Variants in ELAVL4 observed in about 807,000 individuals in gnomAD.
The protein encoded by ELAVL4 is ELAV like RNA binding protein 4, also known as ELAV-like protein 4.
ELAVL4 carries 1 observed loss-of-function variant against 35.6 expected under a neutral mutation model. The observed-to-expected ratio is 0.03, with a 90% confidence interval of 0.01 to 0.13. ELAVL4 has a LOEUF of 0.13. Among genes scored for constraint, ELAVL4 ranks in the 10% least tolerant of loss-of-function variants. The pLI is 1.00. For synonymous variants in ELAVL4, 156 were observed against 171.0 expected (o/e 0.91, Z 0.69); for missense variants, 267 against 464.9 (o/e 0.57, Z 3.91).
chr1:50,139,624 T>C (rs1043120476), intron 1 of ELAVL4, among the ~76,000 whole-genome samples: 8 of 152,194 alleles, frequency 5.3e-5, no homozygotes, highest in African/African-American at 1.9e-4. Context: ...GCGTATGACC[T>C]GACATATCCA....
chr1:50,148,688 A>G (rs919813541), intron 2 of ELAVL4, among the ~76,000 whole-genome samples: 2 of 152,160 alleles, frequency 1.3e-5, no homozygotes, highest in African/African-American at 4.8e-5. Context: ...TTCTTCATCT[A>G]CCTGCAGCCT....
intron 2 of ELAVL4, among the ~76,000 whole-genome samples, chr1:50,158,464 T>A (rs527500075): frequency 5.8e-4 from 89 of 152,288 alleles, no homozygotes; most frequent in Middle Eastern, 3.4e-3. Flanking sequence ...AGTTTGCTCC[T>A]GCTTGACTAT....
intron 2 of ELAVL4, among the ~76,000 whole-genome samples, chr1:50,153,508 G>A (rs1675164003): frequency 6.6e-6 from 1 of 152,186 alleles, no homozygotes; most frequent in South Asian, 2.1e-4. Context: ...TGTCTGTGCT[G>A]AATGAAGACA....
At chr1:50,106,736 G>A (rs1557706101), upstream of ELAVL4, among the ~76,000 whole-genome samples, 1 of 152,124 alleles carries the variant, frequency 6.6e-6, no homozygotes, top group Non-Finnish European at 1.5e-5. Context: ...GCATTTGTTT[G>A]AGGATTCTGT....
chr1:50,200,766 C>T (rs1265931767), intron 6 of ELAVL4, 85 bp from the exon 7 acceptor site: 2 of 1,557,210 alleles, frequency 1.3e-6, no homozygotes, highest in Non-Finnish European at 8.7e-7. Flanking sequence ...CAGCCCTCTG[C>T]CCCATGTCTG....
At chr1:50,198,192 G>C (rs897767188) in intron 6 of ELAVL4, among the ~76,000 whole-genome samples, 1 of 152,156 alleles carries the variant, frequency 6.6e-6, no homozygotes, top group Non-Finnish European at 1.5e-5. Flanking sequence ...CAGAGTCAAG[G>C]CTTTTGGGGC....
intron 1 of ELAVL4, among the ~76,000 whole-genome samples, chr1:50,113,945 A>C (rs989675189): frequency 6.6e-6 from 1 of 152,126 alleles, no homozygotes; most frequent in Admixed American, 6.6e-5. Context: ...ATGTGCATCT[A>C]TAAATGGAGA....
At chr1:50,200,778 G>A (rs765137564) in intron 6 of ELAVL4, 73 bp from the exon 7 acceptor site, 1 of 1,567,384 alleles carries the variant, frequency 6.4e-7, no homozygotes, top group Non-Finnish European at 8.7e-7. Flanking sequence ...CCATGTCTGT[G>A]TCTGTGCATC....
At chr1:50,186,686 TGGAGCATAG>T (rs1217796060) in intron 3 of ELAVL4, among the ~76,000 whole-genome samples, 2 of 152,186 alleles carry the variant, frequency 1.3e-5, no homozygotes, top group African/African-American at 2.4e-5. Flanking sequence ...TTGTCTGAAC[TGGAGCATAG>T]GGTGCATGAA....
intron 2 of ELAVL4, among the ~76,000 whole-genome samples, chr1:50,171,985 C>T (rs1019315184): frequency 6.6e-6 from 1 of 152,208 alleles, no homozygotes; most frequent in Non-Finnish European, 1.5e-5. Flanking sequence ...AAATTCCTTA[C>T]TCAACTCAGA....
At chr1:50,196,942 C>A (rs940402755) in intron 5 of ELAVL4, among the ~76,000 whole-genome samples, 1 of 152,096 alleles carries the variant, frequency 6.6e-6, no homozygotes, top group African/African-American at 2.4e-5. Context: ...GCAAACTCCC[C>A]CTGCCTCCCA....
intron 5 of ELAVL4, 129 bp downstream of exon 5, chr1:50,195,915 A>C (rs1572629340): frequency 9.7e-7 from 1 of 1,032,750 alleles, no homozygotes; most frequent in Non-Finnish European, 1.4e-6. Context: ...ACTGTGCAAA[A>C]CTCCCCCCGA....
rs1666637698 is a variant in ELAVL4 at position 50,109,107 on chromosome 1, C to T, written c.-83C>T. On this transcript the variant is annotated 5_prime_UTR_variant, in exon 1 of 7. Transcript: ENST00000371824. ...TTTAATTATATATAACAATAGTAGT[C>T]ATTTTAAATATATATTCTGAAATCT... 1 of 1,360,026 alleles carries T rather than the reference C, an allele frequency of 7.4e-7. No individual in the cohort carries two copies. The highest frequency in any genetic ancestry group is 9.6e-7 in the Non-Finnish European group (1 of 1,039,242). 84.2% of individuals were successfully genotyped at this position (1,360,026 alleles called of 1,614,324 possible). A position where few individuals can be genotyped will look rare whatever the true frequency, so the allele number is the denominator to read the frequency against.
chr1:50,164,692 G>A (rs1677424887), intron 2 of ELAVL4, among the ~76,000 whole-genome samples: 1 of 152,148 alleles, frequency 6.6e-6, no homozygotes, highest in East Asian at 1.9e-4. Flanking sequence ...AATGCCCACA[G>A]GTCTTTCACA....
chr1:50,182,302 G>C (rs1007175742), intron 3 of ELAVL4, among the ~76,000 whole-genome samples: 3 of 152,222 alleles, frequency 2.0e-5, no homozygotes, highest in Non-Finnish European at 4.4e-5. Context: ...AGAACCTTCA[G>C]TAAAAAGTGA....
chr1:50,083,257 G>C (rs1163614583), intron 1 of ELAVL4, among the ~76,000 whole-genome samples: 1 of 151,810 alleles, frequency 6.6e-6, no homozygotes, highest in Admixed American at 6.6e-5. Context: ...TGAGACACTG[G>C]GTATTGGTTT....
intron 2 of ELAVL4, among the ~76,000 whole-genome samples, chr1:50,150,464 T>C (rs555302226): frequency 1.3e-5 from 2 of 152,332 alleles, no homozygotes; most frequent in East Asian, 1.9e-4. Flanking sequence ...GGGTAACTTG[T>C]GTTCTTTCTT....
At chr1:50,048,276 C>G (rs985145974) in intron 1 of ELAVL4, 121 of 1,375,218 alleles carry the variant, frequency 8.8e-5, no homozygotes, top group Non-Finnish European at 1.1e-4. Context: ...CTGGCTTCTC[C>G]CAGCGGCCAG....
chr1:50,096,724 T>C (rs1364232156), intron 1 of ELAVL4, among the ~76,000 whole-genome samples: 1 of 152,186 alleles, frequency 6.6e-6, no homozygotes, highest in East Asian at 1.9e-4. Flanking sequence ...AGTAGCAGCA[T>C]GTTACACCCC....
Sources: gnomAD v4.1 joint callset for allele counts (sites outside exome capture counted in the v4.1 genomes callset) on GRCh38, gnomAD v4.1.1 for gene constraint, MANE v1.5 for transcripts, NCBI Gene and HGNC (gene_info 2026-07-23, HGNC 2026-07-21) for gene names.